Variants in BRCC3 observed in about 807,000 individuals in gnomAD.
The protein encoded by BRCC3 is BRCA1/BRCA2-containing complex subunit 3, also known as lys-63-specific deubiquitinase BRCC36.
BRCC3 carries 15 observed loss-of-function variants against 28.0 expected under a neutral mutation model. The ratio of observed to expected loss-of-function variants is 0.54; its 90% CI spans 0.36 to 0.82. The LOEUF (loss-of-function observed/expected upper bound fraction) is 0.82. Ranked by LOEUF, BRCC3 falls within the 40% of genes least tolerant of loss-of-function variation. The probability of loss-of-function intolerance (pLI) is 0.01; values close to 1 mark genes in which losing one functional copy is unlikely to be tolerated. For missense variants in BRCC3, 109 were observed against 225.9 expected (o/e 0.48, Z 3.32); for synonymous variants, 66 against 80.3 (o/e 0.82, Z 0.95).
At chrX:155,102,136 G>A (rs781906493) in intron 7 of BRCC3, among the ~76,000 whole-genome samples, 1 of 112,033 alleles carries the variant, frequency 8.9e-6, no homozygotes, top group Non-Finnish European at 1.9e-5. Flanking sequence ...TTGTATATAG[G>A]TCTTGGTGTG....
intron 3 of BRCC3, among the ~76,000 whole-genome samples, chrX:155,074,608 GAGAA>G (rs1213191732): frequency 1.8e-5 from 2 of 111,931 alleles, no homozygotes; most frequent in African/African-American, 6.5e-5. Context: ...GCAAGAAAGA[GAGAA>G]AGAAACAATT....
chrX:155,112,290 C>T (rs1405328906), intron 7 of BRCC3, among the ~76,000 whole-genome samples: 3 of 111,524 alleles, frequency 2.7e-5, no homozygotes, highest in Admixed American at 9.5e-5. Flanking sequence ...CCGTGACAGT[C>T]AATCTGATGG....
chrX:155,117,929 G>A (rs2074366833), intron 9 of BRCC3, among the ~76,000 whole-genome samples: 1 of 111,264 alleles, frequency 9.0e-6, no homozygotes, highest in Non-Finnish European at 1.9e-5. Context: ...ATTTCCATTT[G>A]GGGGAAAATA....
intron 5 of BRCC3, among the ~76,000 whole-genome samples, chrX:155,079,506 C>T (rs904595691): frequency 3.6e-5 from 4 of 111,525 alleles, no homozygotes; most frequent in Non-Finnish European, 7.5e-5. Context: ...TAATGAAACA[C>T]GAGTGGTCCT....
chrX:155,098,682 T>G (rs2074226733), intron 7 of BRCC3, among the ~76,000 whole-genome samples: 1 of 112,810 alleles, frequency 8.9e-6, no homozygotes, highest in East Asian at 2.8e-4. Context: ...AATATGTCTT[T>G]ACTTCAAGAG....
intron 7 of BRCC3, among the ~76,000 whole-genome samples, chrX:155,115,511 C>G (rs1328884942): frequency 8.9e-6 from 1 of 112,322 alleles, no homozygotes; most frequent in African/African-American, 3.2e-5. Flanking sequence ...ATTTCTGTTT[C>G]TCCCACTCTA....
intron 9 of BRCC3, 78 bp from the exon 10 acceptor site, chrX:155,119,921 T>A: frequency 1.1e-6 from 1 of 891,987 alleles, no homozygotes; most frequent in Non-Finnish European, 1.6e-6. Context: ...GTTGGGGGTC[T>A]GTTGGTGATA....
intron 4 of BRCC3, among the ~76,000 whole-genome samples, chrX:155,077,856 T>C (rs2074057170): frequency 8.9e-6 from 1 of 112,174 alleles, no homozygotes; most frequent in Non-Finnish European, 1.9e-5. Context: ...TTTGTTTTCT[T>C]CAGGGATCCT....
intron 9 of BRCC3, among the ~76,000 whole-genome samples, chrX:155,118,118 A>G (rs1557299036): frequency 8.9e-6 from 1 of 112,514 alleles, no homozygotes; most frequent in Non-Finnish European, 1.9e-5. Flanking sequence ...AAAAACTTGT[A>G]CACAAATGTT....
intron 7 of BRCC3, among the ~76,000 whole-genome samples, chrX:155,091,831 A>G (rs2074177633): frequency 9.0e-6 from 1 of 111,346 alleles, no homozygotes; most frequent in Admixed American, 9.5e-5. Flanking sequence ...GTAGTAATAC[A>G]CAAATATCTC....
intron 7 of BRCC3, among the ~76,000 whole-genome samples, chrX:155,091,309 T>A (rs1602781419): frequency 9.1e-6 from 1 of 110,096 alleles, no homozygotes; most frequent in Non-Finnish European, 1.9e-5. Context: ...TCTCACTGTG[T>A]CACCCAGGCT....
chrX:155,116,611 A>G (rs1010560192), intron 8 of BRCC3, 100 bp from the exon 9 acceptor site: 2 of 469,411 alleles, frequency 4.3e-6, no homozygotes, highest in Non-Finnish European at 3.6e-6. Flanking sequence ...TTTAAATACT[A>G]CATATTCATC....
intron 4 of BRCC3, among the ~76,000 whole-genome samples, chrX:155,077,902 G>A (rs2074057647): frequency 1.8e-5 from 2 of 111,953 alleles, no homozygotes; most frequent in East Asian, 2.8e-4. Context: ...ACATGCTTCC[G>A]CTCATCAGTG....
intron 7 of BRCC3, among the ~76,000 whole-genome samples, chrX:155,103,143 G>A (rs1259789425): frequency 1.8e-5 from 2 of 112,057 alleles, no homozygotes; most frequent in Non-Finnish European, 3.8e-5. Flanking sequence ...TTCATTTCTC[G>A]CCTCCTGGCC....
chrX:155,084,812 T>C (rs186828774), intron 5 of BRCC3, among the ~76,000 whole-genome samples: 1 of 110,636 alleles, frequency 9.0e-6, no homozygotes, highest in East Asian at 2.8e-4. Context: ...CTCTTAATTT[T>C]TTTTTTAATT....
chrX:155,074,711 T>C (rs1473007259), intron 3 of BRCC3, among the ~76,000 whole-genome samples: 1 of 112,665 alleles, frequency 8.9e-6, no homozygotes, highest in Non-Finnish European at 1.9e-5. Context: ...TTGAGTTTTA[T>C]GTCAGTTTGT....
chrX:155,072,991 C>T (rs1486089358), intron 2 of BRCC3, among the ~76,000 whole-genome samples: 1 of 112,194 alleles, frequency 8.9e-6, no homozygotes, highest in Non-Finnish European at 1.9e-5. Context: ...TTGACAGTGA[C>T]ATTGCCTTTC....
chrX:155,075,046 T>A (rs145924431), intron 3 of BRCC3, among the ~76,000 whole-genome samples: 3,149 of 112,643 alleles, frequency 0.028, 47 homozygotes, highest in South Asian at 0.12. Context: ...AAGGGTGTAT[T>A]TTAGTTAACC....
chrX:155,105,665 C>T (rs1373701649), intron 7 of BRCC3, among the ~76,000 whole-genome samples: 1 of 111,609 alleles, frequency 9.0e-6, no homozygotes, highest in African/African-American at 3.3e-5. Flanking sequence ...TCCATTGTAG[C>T]TTTTCTTTTC....
Sources: allele counts gnomAD v4.1 joint callset (sites outside exome capture counted in the v4.1 genomes callset), GRCh38; gene constraint gnomAD v4.1.1; transcripts MANE v1.5; gene names NCBI Gene and HGNC (gene_info 2026-07-23, HGNC 2026-07-21).